ATP2B2: variants seen among roughly 807,000 people sequenced by gnomAD.
ATP2B2 encodes plasma membrane calcium-transporting ATPase 2.
In ATP2B2, 15 loss-of-function variants were observed where a neutral mutation model predicts 120.0. The observed-to-expected ratio is 0.12, with a 90% CI of 0.08 to 0.19. ATP2B2 has a LOEUF of 0.19. Among genes scored for constraint, ATP2B2 ranks in the 10% least tolerant of loss-of-function variants. The pLI, the probability that ATP2B2 is intolerant of heterozygous loss-of-function variation, is 1.00. For synonymous variants in ATP2B2, 694 were observed against 700.3 expected (o/e 0.99, Z 0.14); for missense variants, 1,045 against 1,719.8 (o/e 0.61, Z 6.94).
At chr3:10,525,644 G>A (rs997097521) in intron 3 of ATP2B2, among the ~76,000 whole-genome samples, 25 of 151,832 alleles carry the variant, frequency 1.6e-4, no homozygotes, top group African/African-American at 4.6e-4. Context: ...GGTTCCTCTC[G>A]GCTGGGACAG....
intron 21 of ATP2B2, chr3:10,338,875 C>T (rs2060201255): frequency 5.6e-6 from 1 of 178,252 alleles, no homozygotes; most frequent in Non-Finnish European, 1.2e-5. Flanking sequence ...GTCCCTTATT[C>T]CTCCTGAGGT....
chr3:10,327,896 C>T lies in ATP2B2; in HGVS notation c.*918G>A, dbSNP rs1019987082. On this transcript the variant is annotated 3_prime_UTR_variant, in exon 23 of 23. Transcript: ENST00000360273. ...AAATCAGAGCATGGCTATCATAAAA[C>T]ATCCAGGATGCAACCCAGGGGAAGT... 1.3e-5 allele frequency: 2 copies of T among 152,648 alleles called. No individual in the cohort carries two copies. The highest frequency in any genetic ancestry group is 1.5e-5 in the Non-Finnish European group (1 of 68,040). 9.5% of individuals were successfully genotyped at this position (152,648 alleles called of 1,614,324 possible).
chr3:10,367,425 T>C (rs1279776723), intron 12 of ATP2B2, among the ~76,000 whole-genome samples: 1 of 151,990 alleles, frequency 6.6e-6, no homozygotes, highest in African/African-American at 2.4e-5. Context: ...CCAGCTGATC[T>C]GAAGGGGATG....
At chr3:10,548,538 T>C (rs1295114872) in intron 2 of ATP2B2, among the ~76,000 whole-genome samples, 1 of 152,188 alleles carries the variant, frequency 6.6e-6, no homozygotes, top group East Asian at 1.9e-4. Context: ...GTATAGATAG[T>C]GTATAGCTAT....
intron 1 of ATP2B2, among the ~76,000 whole-genome samples, chr3:10,484,003 C>T (rs2065524027): frequency 6.6e-6 from 1 of 152,192 alleles, no homozygotes; most frequent in Non-Finnish European, 1.5e-5. Context: ...GAGTCACAAG[C>T]CCAGGCTCCA....
At chr3:10,467,381 G>C (rs1372955836) in intron 1 of ATP2B2, among the ~76,000 whole-genome samples, 1 of 152,172 alleles carries the variant, frequency 6.6e-6, no homozygotes, top group Non-Finnish European at 1.5e-5. Context: ...CGCTCCAGGG[G>C]CCCCTTCCTG....
At chr3:10,699,553 C>CT (rs892240970) in intron 1 of ATP2B2, among the ~76,000 whole-genome samples, 13 of 152,082 alleles carry the variant, frequency 8.5e-5, no homozygotes, top group African/African-American at 3.1e-4. Flanking sequence ...GTTTTACTTT[C>CT]TTTTTTGTAT....
intron 1 of ATP2B2, among the ~76,000 whole-genome samples, chr3:10,463,958 C>G (rs569462734): frequency 5.3e-5 from 8 of 152,328 alleles, no homozygotes; most frequent in African/African-American, 1.7e-4. Flanking sequence ...AACTCATCCT[C>G]TGCGTCCGCT....
At chr3:10,398,276 C>A (rs879448338) in intron 5 of ATP2B2, among the ~76,000 whole-genome samples, 3 of 152,202 alleles carry the variant, frequency 2.0e-5, no homozygotes, top group African/African-American at 7.2e-5. Flanking sequence ...TTCCCGCATG[C>A]CCCTCTCCTT....
intron 2 of ATP2B2, among the ~76,000 whole-genome samples, chr3:10,423,109 A>G (rs576411335): frequency 6.6e-6 from 1 of 152,362 alleles, no homozygotes; most frequent in South Asian, 2.1e-4. Flanking sequence ...TGGATAAAAT[A>G]TAGGATACCC....
Position 10,494,432 on chromosome 3 carries a change from G to C in ATP2B2, c.-320+11033C>G, listed in dbSNP as rs367970542. On this transcript the variant is annotated intron_variant, in intron 1 of 22. Coordinates refer to ENST00000360273, the MANE Select transcript of ATP2B2 (RefSeq NM_001001331.4). The stretch of plus-strand genomic sequence containing the variant: ...TCATTTGCTCAAGGTCACATAGCTC[G>C]GAAGTGTTGGGGAATCATGCCCAGG... 1.1e-4 allele frequency among the ~76,000 whole-genome samples: 17 copies of C among 152,258 alleles called. 1 individual carries two copies. The highest frequency in any genetic ancestry group is 4.1e-4 in the African/African-American group (17 of 41,546).
intron 1 of ATP2B2, among the ~76,000 whole-genome samples, chr3:10,625,063 G>C (rs544283729): frequency 1.3e-5 from 2 of 152,244 alleles, no homozygotes; most frequent in African/African-American, 4.8e-5. Flanking sequence ...ACAATTTTTC[G>C]AGTAAATAAT....
chr3:10,550,123 T>G (rs1426022817), intron 2 of ATP2B2, among the ~76,000 whole-genome samples: 1 of 152,256 alleles, frequency 6.6e-6, no homozygotes, highest in Non-Finnish European at 1.5e-5. Context: ...GAGTCTCTTG[T>G]GGCTGGCTAG....
chr3:10,504,860 T>C (rs1241759456), intron 1 of ATP2B2, among the ~76,000 whole-genome samples: 1 of 152,118 alleles, frequency 6.6e-6, no homozygotes, highest in East Asian at 1.9e-4. Flanking sequence ...CCTGCCACCC[T>C]CCTGGCCATG....
rs187135572 is a variant in ATP2B2 at position 10,342,659 on chromosome 3, G to T, written c.2917+93C>A. On this transcript the variant is annotated intron_variant, in intron 19 of 22. Coordinates refer to ENST00000360273, the MANE Select transcript of ATP2B2 (RefSeq NM_001001331.4). The surrounding 1 kb of genome is among the most constrained non-coding windows in gnomAD (Gnocchi z 4.4). ...ATTTCCCCATTAGCAAAACAGGAGG[G>T]GGTTGTGACTCGAGAATGCTGGGTG... 4.9e-4 allele frequency: 712 copies of T among 1,449,080 alleles called. 2 individuals carry two copies. Among genetic ancestry groups the T allele is most frequent in the Non-Finnish European group, 3.5e-4 (362 of 1,042,900 alleles). 89.8% of individuals were successfully genotyped at this position (1,449,080 alleles called of 1,614,324 possible).
chr3:10,633,543 CA>C (rs1280239120), intron 1 of ATP2B2, among the ~76,000 whole-genome samples: 1 of 152,188 alleles, frequency 6.6e-6, no homozygotes, highest in Non-Finnish European at 1.5e-5. Context: ...TTCTTCACAT[CA>C]AATGCCTTCT....
intron 2 of ATP2B2, among the ~76,000 whole-genome samples, chr3:10,597,645 A>G (rs1302204765): frequency 6.6e-6 from 1 of 152,218 alleles, no homozygotes; most frequent in Non-Finnish European, 1.5e-5. Flanking sequence ...GTCTGGAGCC[A>G]GACTTAGTGG....
chr3:10,525,465 T>C (rs1559439469), intron 3 of ATP2B2, among the ~76,000 whole-genome samples: 1 of 152,244 alleles, frequency 6.6e-6, no homozygotes, highest in East Asian at 1.9e-4. Flanking sequence ...TATTCACATC[T>C]TCTATTAGAA....
chr3:10,625,624 G>A (rs892670322), intron 1 of ATP2B2, among the ~76,000 whole-genome samples: 4 of 152,126 alleles, frequency 2.6e-5, no homozygotes, highest in African/African-American at 4.8e-5. Flanking sequence ...AAGAGGGGCC[G>A]GGCCCAGAGT....
Sources: allele counts gnomAD v4.1 joint callset (sites outside exome capture counted in the v4.1 genomes callset), GRCh38; gene constraint gnomAD v4.1.1; non-coding constraint Gnocchi (gnomAD v3.1); transcripts MANE v1.5; gene names NCBI Gene and HGNC (gene_info 2026-07-23, HGNC 2026-07-21).